Variants in RAP1GAP observed in about 807,000 individuals in gnomAD.
The protein encoded by RAP1GAP is RAP1 GTPase activating protein.
Under a neutral mutation model 87.2 loss-of-function variants are expected in RAP1GAP, and 35 were observed. The observed-to-expected ratio is 0.40, with a 90% CI of 0.31 to 0.53. The LOEUF is 0.53. Among genes scored for constraint, RAP1GAP ranks in the 20% least tolerant of loss-of-function variants. The probability of loss-of-function intolerance (pLI) is 0.48; values close to 1 mark genes in which losing one functional copy is unlikely to be tolerated. For synonymous variants in RAP1GAP, 375 were observed against 363.9 expected (o/e 1.03, Z -0.35); for missense variants, 734 against 898.9 (o/e 0.82, Z 2.35).
intron 18 of RAP1GAP, chr1:21,604,019 G>T: frequency 2.3e-6 from 2 of 883,728 alleles, no homozygotes; most frequent in Non-Finnish European, 3.4e-6. Flanking sequence ...GGCAGGGAAA[G>T]GAGGAAGACA....
rs1048911549 is a variant in RAP1GAP, at chr1:21,598,631, G to T, written c.1777-129C>A. 5.2e-5 allele frequency: 39 copies of T among 749,792 alleles called. No homozygotes were observed. The Admixed American group carries it at 9.0e-4, about 17-fold the overall frequency. 46.4% of individuals were successfully genotyped at this position (749,792 alleles called of 1,614,324 possible). A position where few individuals can be genotyped will look rare whatever the true frequency, so the allele number is the denominator to read the frequency against. On this transcript the variant is annotated intron_variant, in intron 21 of 24. Transcript: ENST00000374765. ...CCCGTACCCTCTGCGAGGAGGACGG[G>T]CCTAGCCATGTCTGCCCCAGGGAGA...
chr1:21,603,762 C>G lies in RAP1GAP; in HGVS notation c.1429-849G>C. On this transcript the variant is annotated intron_variant, in intron 18 of 24. Transcript: ENST00000374765. The surrounding 1 kb of genome is among the most constrained non-coding windows in gnomAD (Gnocchi z 6.0). ...AGAGGGGCAACGTCCCCAATATGGC[C>G]TCCGTCCTGAGAGCGAGCAGAGAAC... 1 of 1,502,422 alleles carries G rather than the reference C, an allele frequency of 6.7e-7. No homozygotes were observed. The highest frequency in any genetic ancestry group is 9.3e-7 in the Non-Finnish European group (1 of 1,080,200). The allele number at this position is 1,502,422 out of a possible 1,614,324, so 93.1% of individuals were successfully genotyped here.
rs183128555 is a variant in RAP1GAP, at chr1:21,665,627, T to A, written c.-149+3627A>T. On this transcript the variant is annotated intron_variant, in intron 1 of 24. Coordinates refer to ENST00000374765, the MANE Select transcript of RAP1GAP (RefSeq NM_002885.4). Reference sequence around the variant, plus strand: ...CCAGCACTCCTCTGCCTCTTTTCCCTTCTTCCTCTCTGAGTCACCACCTGC... The same window carrying A: ...CCAGCACTCCTCTGCCTCTTTTCCCATCTTCCTCTCTGAGTCACCACCTGC... Among the ~76,000 whole-genome samples the A allele has an allele frequency of 3.3e-5, 5 of 152,344 alleles. No individual in the cohort carries two copies. In the East Asian group the frequency reaches 9.6e-4, roughly 29 times the overall value.
intron 2 of RAP1GAP, among the ~76,000 whole-genome samples, chr1:21,640,537 G>A (rs1321100230): frequency 6.6e-6 from 1 of 152,208 alleles, no homozygotes; most frequent in Non-Finnish European, 1.5e-5. Flanking sequence ...GGAAATATGT[G>A]TGTGTGTACA....
intron 2 of RAP1GAP, among the ~76,000 whole-genome samples, chr1:21,641,010 C>A (rs551444893): frequency 2.0e-5 from 3 of 151,390 alleles, no homozygotes; most frequent in East Asian, 3.9e-4. Flanking sequence ...TGGGTTCAAG[C>A]GATTCTCCTG....
Position 21,669,226 on chromosome 1 carries a change from G to A in RAP1GAP, c.-149+28C>T. 1 of 1,252,284 alleles carries A rather than the reference G, an allele frequency of 8.0e-7. No individual in the cohort carries two copies. Among genetic ancestry groups the A allele is most frequent in the African/African-American group, 1.6e-5 (1 of 61,630 alleles). 77.6% of individuals were successfully genotyped at this position (1,252,284 alleles called of 1,614,324 possible). A position where few individuals can be genotyped will look rare whatever the true frequency, so the allele number is the denominator to read the frequency against. On this transcript the variant is annotated intron_variant, in intron 1 of 24. Transcript: ENST00000374765. The surrounding 1 kb of genome is among the most constrained non-coding windows in gnomAD (Gnocchi z 5.6). Reference sequence around the variant, plus strand: ...ACCTCTGTCCCCTTCCCCTTTCCAGGGCCGCAGCCCTGGCGGGGCGCACTC... The same window carrying A: ...ACCTCTGTCCCCTTCCCCTTTCCAGAGCCGCAGCCCTGGCGGGGCGCACTC...
intron 1 of RAP1GAP, among the ~76,000 whole-genome samples, chr1:21,662,067 A>G (rs2097172763): frequency 6.6e-6 from 1 of 152,194 alleles, no homozygotes; most frequent in African/African-American, 2.4e-5. Context: ...CCCTGGCCCC[A>G]TACAGACCTC....
Position 21,613,726 on chromosome 1 carries a change from C to T in RAP1GAP, c.396-20G>A, listed in dbSNP as rs370013982. 1.6e-5 allele frequency: 26 copies of T among 1,594,988 alleles called. No individual in the cohort carries two copies. The highest frequency in any genetic ancestry group is 1.1e-4 in the African/African-American group (8 of 74,584). On this transcript the variant is annotated intron_variant, in intron 8 of 24. Coordinates refer to ENST00000374765, the MANE Select transcript of RAP1GAP (RefSeq NM_002885.4). The surrounding 1 kb of genome is among the most constrained non-coding windows in gnomAD (Gnocchi z 4.7). ...TTGGTCCTGAGAAGAGAAAGTCACACGATGAAGGCCTGGGCAGCAGGACAG... is the reference window on the plus strand; with the variant it reads ...TTGGTCCTGAGAAGAGAAAGTCACATGATGAAGGCCTGGGCAGCAGGACAG...
chr1:21,619,144 T>C, intron 4 of RAP1GAP, 72 bp from the exon 5 acceptor site: 1 of 1,484,832 alleles, frequency 6.7e-7, no homozygotes, highest in Non-Finnish European at 9.2e-7. Flanking sequence ...CCCCAAGGCG[T>C]GCAAGGGGAA....
intron 1 of RAP1GAP, among the ~76,000 whole-genome samples, chr1:21,659,705 G>C (rs1338230750): frequency 6.6e-6 from 1 of 152,204 alleles, no homozygotes; most frequent in Non-Finnish European, 1.5e-5. Context: ...TGTGCAAACA[G>C]AGCAGATCCA....
At position 21,613,806 on chromosome 1, in the gene RAP1GAP, C is replaced by A; in HGVS notation, c.396-100G>T. Reference sequence around the variant, plus strand: ...AAGGCCAGAAGGGGGTGGACCACAGCGAGGACCAGAGGTGATGATGGGTGT... The same window carrying A: ...AAGGCCAGAAGGGGGTGGACCACAGAGAGGACCAGAGGTGATGATGGGTGT... On this transcript the variant is annotated intron_variant, in intron 8 of 24. Transcript: ENST00000374765. The surrounding 1 kb of genome is among the most constrained non-coding windows in gnomAD (Gnocchi z 4.7). 2.3e-6 allele frequency: 3 copies of A among 1,289,502 alleles called. No homozygotes were observed. The highest frequency in any genetic ancestry group is 3.4e-6 in the Non-Finnish European group (3 of 894,358). 79.9% of individuals were successfully genotyped at this position (1,289,502 alleles called of 1,614,324 possible).
At position 21,611,699 on chromosome 1, in the gene RAP1GAP, C is replaced by G; in HGVS notation, c.713+17G>C. On this transcript the variant is annotated intron_variant, in intron 12 of 24. Transcript: ENST00000374765. Reference sequence around the variant, plus strand: ...ACAAGTCAGATTACACTCTGCTCAGCCCACCCTAATACTCACCCCTTAAAG... The same window carrying G: ...ACAAGTCAGATTACACTCTGCTCAGGCCACCCTAATACTCACCCCTTAAAG... 1 of 1,611,920 alleles carries G rather than the reference C, an allele frequency of 6.2e-7. No homozygotes were observed. The highest frequency in any genetic ancestry group is 8.5e-7 in the Non-Finnish European group (1 of 1,177,952).
chr1:21,619,432 G>A (rs993202118), intron 4 of RAP1GAP, among the ~76,000 whole-genome samples: 1 of 149,404 alleles, frequency 6.7e-6, no homozygotes, highest in African/African-American at 2.4e-5. Flanking sequence ...AGGCAGAGAC[G>A]AGACAGAAAG....
chr1:21,613,870 G>A lies in RAP1GAP; in HGVS notation c.395+116C>T. 8.5e-7 allele frequency: 1 copy of A among 1,171,366 alleles called. No homozygotes were observed. The highest frequency in any genetic ancestry group is 2.5e-5 in the East Asian group (1 of 39,924). The allele number at this position is 1,171,366 out of a possible 1,614,324, so 72.6% of individuals were successfully genotyped here. On this transcript the variant is annotated intron_variant, in intron 8 of 24. Transcript: ENST00000374765. The surrounding 1 kb of genome is among the most constrained non-coding windows in gnomAD (Gnocchi z 4.7). ...GTACTAACTTGCTGTGCAACCTCAAGCAAATCCCTGCCCCTCTATGGGCCT... is the reference window on the plus strand; with the variant it reads ...GTACTAACTTGCTGTGCAACCTCAAACAAATCCCTGCCCCTCTATGGGCCT...
chr1:21,642,701 C>T (rs1185479622), intron 2 of RAP1GAP, among the ~76,000 whole-genome samples: 2 of 152,136 alleles, frequency 1.3e-5, no homozygotes, highest in African/African-American at 4.8e-5. Context: ...CCACAGAAGT[C>T]CCAGCAGGGC....
chr1:21,636,788 C>T (rs1193039145), intron 2 of RAP1GAP, among the ~76,000 whole-genome samples: 1 of 149,696 alleles, frequency 6.7e-6, no homozygotes, highest in Non-Finnish European at 1.5e-5. Flanking sequence ...GCCTGGGCAA[C>T]AAGAGCAAAA....
At chr1:21,664,079 C>A (rs895832216) in intron 1 of RAP1GAP, among the ~76,000 whole-genome samples, 1 of 152,182 alleles carries the variant, frequency 6.6e-6, no homozygotes, top group East Asian at 1.9e-4. Context: ...CTGAGCTCAC[C>A]CAGCTAGTGG....
chr1:21,617,533 C>G, intron 6 of RAP1GAP, 42 bp from the exon 7 acceptor site: 1 of 1,552,914 alleles, frequency 6.4e-7, no homozygotes, highest in South Asian at 1.2e-5. Context: ...CACTGTACCC[C>G]ACTGGGCGCC....
At chr1:21,647,426 T>C (rs2096165108) in intron 2 of RAP1GAP, among the ~76,000 whole-genome samples, 1 of 152,066 alleles carries the variant, frequency 6.6e-6, no homozygotes, top group Non-Finnish European at 1.5e-5. Context: ...ACTGCACAAC[T>C]ACACTACAGC....
Sources: allele counts gnomAD v4.1 joint callset (sites outside exome capture counted in the v4.1 genomes callset), GRCh38; gene constraint gnomAD v4.1.1; non-coding constraint Gnocchi (gnomAD v3.1); transcripts MANE v1.5; gene names NCBI Gene and HGNC (gene_info 2026-07-23, HGNC 2026-07-21).